Variants in RBFOX1 observed in about 807,000 individuals in gnomAD.
The protein encoded by RBFOX1 is RNA binding fox-1 homolog 1.
RBFOX1 carries 8 observed loss-of-function variants against 57.7 expected under a neutral mutation model. That is an observed-to-expected ratio of 0.14 (90% CI 0.08 to 0.25). RBFOX1 has a LOEUF of 0.25. Ranked by LOEUF, RBFOX1 falls within the 10% of genes least tolerant of loss-of-function variation. The probability of loss-of-function intolerance (pLI) is 1.00; values close to 1 mark genes in which losing one functional copy is unlikely to be tolerated. For missense variants in RBFOX1, 611 were observed against 548.5 expected, an observed-to-expected ratio of 1.11 and a Z score of -1.14; for synonymous variants, 326 against 222.4, an observed-to-expected ratio of 1.47 and a Z score of -4.15.
intron 3 of RBFOX1, among the ~76,000 whole-genome samples, chr16:7,019,290 A>G (rs2094085791): frequency 1.3e-5 from 2 of 152,206 alleles, no homozygotes; most frequent in East Asian, 1.9e-4. Context: ...GATTTGGAAA[A>G]TGCTGATGTT....
intron 3 of RBFOX1, among the ~76,000 whole-genome samples, chr16:6,759,038 T>C (rs1012277644): frequency 2.0e-5 from 3 of 152,184 alleles, no homozygotes; most frequent in Admixed American, 1.3e-4. Flanking sequence ...ATAGGTTACC[T>C]CTTTCTTGCA....
At chr16:6,094,298 G>A (rs527887961) in intron 1 of RBFOX1, among the ~76,000 whole-genome samples, 1 of 152,264 alleles carries the variant, frequency 6.6e-6, no homozygotes, top group South Asian at 2.1e-4. Flanking sequence ...AGACCATTGG[G>A]GAAATGATTT....
chr16:5,508,914 C>T (rs779193563), intron 2 of RBFOX1, among the ~76,000 whole-genome samples: 6 of 152,174 alleles, frequency 3.9e-5, no homozygotes, highest in African/African-American at 4.8e-5. Flanking sequence ...GGGGTTCTGC[C>T]GCGTCTCTCC....
intron 4 of RBFOX1, among the ~76,000 whole-genome samples, chr16:5,999,735 C>G (rs572089011): frequency 6.6e-6 from 1 of 151,996 alleles, no homozygotes; most frequent in South Asian, 2.1e-4. Flanking sequence ...GTGGCGGGCG[C>G]CTGTAGTCCC....
At chr16:6,209,315 A>G (rs916667586) in intron 1 of RBFOX1, among the ~76,000 whole-genome samples, 1 of 152,208 alleles carries the variant, frequency 6.6e-6, no homozygotes, top group Non-Finnish European at 1.5e-5. Context: ...GGGTTACATT[A>G]TGTTCCCCTG....
intron 4 of RBFOX1, among the ~76,000 whole-genome samples, chr16:7,191,304 C>G (rs75056453): frequency 0.048 from 7,117 of 149,546 alleles, 545 homozygotes; most frequent in African/African-American, 0.17. Flanking sequence ...TTTCCTCTTT[C>G]TAATAAGACG....
intron 3 of RBFOX1, among the ~76,000 whole-genome samples, chr16:6,804,117 C>T (rs1396702051): frequency 2.0e-5 from 3 of 152,026 alleles, no homozygotes; most frequent in African/African-American, 7.2e-5. Flanking sequence ...AGTGATTCTC[C>T]TTGCCTCAGG....
At chr16:7,663,951 T>C (rs554028822) in intron 12 of RBFOX1, among the ~76,000 whole-genome samples, 4 of 152,286 alleles carry the variant, frequency 2.6e-5, no homozygotes. Flanking sequence ...GGGGAATCAT[T>C]CCCTAACCCC....
intron 1 of RBFOX1, among the ~76,000 whole-genome samples, chr16:5,425,883 C>T (rs1324864306): frequency 3.3e-5 from 5 of 152,140 alleles, no homozygotes; most frequent in Admixed American, 6.5e-5. Flanking sequence ...GAACCCCAAA[C>T]GTCAAATCCT....
At chr16:7,522,853 A>G (rs2077809516) in intron 5 of RBFOX1, among the ~76,000 whole-genome samples, 1 of 152,248 alleles carries the variant, frequency 6.6e-6, no homozygotes, top group Admixed American at 6.5e-5. Context: ...TTGACATACA[A>G]TAAACTGTAT....
At chr16:5,284,338 G>T (rs2063340257) in intron 1 of RBFOX1, among the ~76,000 whole-genome samples, 1 of 152,064 alleles carries the variant, frequency 6.6e-6, no homozygotes, top group African/African-American at 2.4e-5. Context: ...CAGTTTGGTG[G>T]TTTTCTTTAG....
chr16:5,462,520 C>G (rs772876800), intron 1 of RBFOX1, among the ~76,000 whole-genome samples: 21 of 152,104 alleles, frequency 1.4e-4, no homozygotes, highest in African/African-American at 3.9e-4. Flanking sequence ...TTTAAAGAAG[C>G]AGGATACACA....
intron 5 of RBFOX1, among the ~76,000 whole-genome samples, chr16:7,541,111 C>A (rs60975925): frequency 0.17 from 25,558 of 152,162 alleles, 2,708 homozygotes; most frequent in East Asian, 0.36. Context: ...ATAGACGCTG[C>A]TTTTCGCCCC....
At chr16:6,662,362 T>C (rs1269821523) in intron 3 of RBFOX1, among the ~76,000 whole-genome samples, 2 of 152,234 alleles carry the variant, frequency 1.3e-5, no homozygotes, top group African/African-American at 2.4e-5. Context: ...TATACACATG[T>C]ATCAAAAGGT....
At chr16:6,215,917 A>G (rs576395960) in intron 1 of RBFOX1, among the ~76,000 whole-genome samples, 3 of 152,288 alleles carry the variant, frequency 2.0e-5, no homozygotes, top group African/African-American at 4.8e-5. Flanking sequence ...AGTAAAAGGC[A>G]GTGATAACTC....
chr16:6,366,211 C>T (rs189676351), intron 2 of RBFOX1, among the ~76,000 whole-genome samples: 2 of 151,928 alleles, frequency 1.3e-5, no homozygotes, highest in East Asian at 3.9e-4. Flanking sequence ...CTGGAAGATG[C>T]ATCTTGCTGG....
chr16:7,179,161 G>T (rs1040460197), intron 4 of RBFOX1, among the ~76,000 whole-genome samples: 5 of 152,014 alleles, frequency 3.3e-5, no homozygotes, highest in Admixed American at 6.6e-5. Context: ...GGTGCATTTG[G>T]GGGTAGGAGG....
At chr16:5,661,916 G>T (rs1388840168) in intron 3 of RBFOX1, among the ~76,000 whole-genome samples, 1 of 151,978 alleles carries the variant, frequency 6.6e-6, no homozygotes, top group Non-Finnish European at 1.5e-5. Context: ...TGCCCGAGTC[G>T]CTGGGACTAC....
chr16:5,844,485 A>G (rs1018857061), intron 3 of RBFOX1, among the ~76,000 whole-genome samples: 2 of 152,196 alleles, frequency 1.3e-5, no homozygotes, highest in African/African-American at 4.8e-5. Flanking sequence ...CATCCCTGAC[A>G]TCTGATAAAT....
Sources: allele counts gnomAD v4.1 joint callset (sites outside exome capture counted in the v4.1 genomes callset), GRCh38; gene constraint gnomAD v4.1.1; transcripts MANE v1.5; gene names NCBI Gene and HGNC (gene_info 2026-07-23, HGNC 2026-07-21).